The following PEX7 variants were observed in gnomAD, a reference collection of about 807,000 sequenced individuals.
PEX7 encodes PTS2 receptor.
In PEX7, 34 loss-of-function variants were observed where a neutral mutation model predicts 47.5. The ratio of observed to expected loss-of-function variants is 0.72; its 90% CI spans 0.54 to 0.95. The LOEUF is 0.95. PEX7 is among the 40% of genes least tolerant of loss of function. PEX7 has a pLI of 0.00. For missense variants in PEX7, 394 were observed against 400.3 expected, an observed-to-expected ratio of 0.98 and a Z score of 0.13; for synonymous variants, 141 against 148.8, an observed-to-expected ratio of 0.95 and a Z score of 0.38.
intron 3 of PEX7, among the ~76,000 whole-genome samples, chr6:136,829,437 C>T (rs1774253877): frequency 6.6e-6 from 1 of 152,106 alleles, no homozygotes; most frequent in African/African-American, 2.4e-5. Context: ...GCACTAATCC[C>T]ATTCATGAGG....
chr6:136,824,113 T>C (rs1310352111), intron 1 of PEX7, among the ~76,000 whole-genome samples: 1 of 152,256 alleles, frequency 6.6e-6, no homozygotes, highest in East Asian at 1.9e-4. Flanking sequence ...CATTATTAGC[T>C]CTTAGTGCTT....
At position 136,822,720 on chromosome 6, in the gene PEX7, G is replaced by A; in HGVS notation, c.55G>A (p.Gly19Ser). ...GATGCTGCGGACGCCGGGACGCCAC[G>A]GCTACGCCGCCGAGTTCTCCCCGTA... ...ARMLRTPGRH[G>S]YAAEFSPYLP... Residue 19 changes from glycine (G) to serine (S), a missense_variant, in exon 1 of 10, where the codon GGC becomes AGC. Coordinates refer to ENST00000318471, the MANE Select transcript of PEX7 (RefSeq NM_000288.4). 6.6e-7 allele frequency: 1 copy of A among 1,514,946 alleles called. No homozygotes were observed. Among genetic ancestry groups the A allele is most frequent in the South Asian group, 1.2e-5 (1 of 82,444 alleles). 93.8% of individuals were successfully genotyped at this position (1,514,946 alleles called of 1,614,324 possible).
intron 8 of PEX7, among the ~76,000 whole-genome samples, chr6:136,893,535 T>A (rs577393081): frequency 6.6e-6 from 1 of 152,344 alleles, no homozygotes; most frequent in Non-Finnish European, 1.5e-5. Flanking sequence ...CCCACTGAAC[T>A]ATGAGCCGCA....
Position 136,822,734 on chromosome 6 carries a change from G to C in PEX7, c.69G>C (p.Glu23Asp), listed in dbSNP as rs1267307406. Residue 23 changes from glutamate to aspartate, a missense_variant, in exon 1 of 10, where the codon GAG becomes GAC. Transcript: ENST00000318471. ...RTPGRHGYAAEFSPYLPGRLA... is the reference protein window; with the variant it reads ...RTPGRHGYAADFSPYLPGRLA... ...CGGGACGCCACGGCTACGCCGCCGA[G>C]TTCTCCCCGTACCTGCCGGGCCGCC... 1 of 1,511,534 alleles carries C rather than the reference G, an allele frequency of 6.6e-7. No homozygotes were observed. Among genetic ancestry groups the C allele is most frequent in the South Asian group, 1.2e-5 (1 of 82,128 alleles). The allele number at this position is 1,511,534 out of a possible 1,614,324, so 93.6% of individuals were successfully genotyped here. A position where few individuals can be genotyped will look rare whatever the true frequency, so the allele number is the denominator to read the frequency against.
intron 9 of PEX7, among the ~76,000 whole-genome samples, chr6:136,909,076 A>G (rs1232752360): frequency 2.0e-5 from 3 of 152,160 alleles, no homozygotes; most frequent in Admixed American, 6.5e-5. Flanking sequence ...TCTCTCCATT[A>G]CAATCAAGAT....
At chr6:136,898,617 A>G (rs1242246314) in intron 9 of PEX7, among the ~76,000 whole-genome samples, 3 of 152,204 alleles carry the variant, frequency 2.0e-5, no homozygotes, top group African/African-American at 4.8e-5. Flanking sequence ...AGTTGAGACC[A>G]TGGGCAGGCA....
At chr6:136,886,719 C>T (rs1240016046) in intron 8 of PEX7, among the ~76,000 whole-genome samples, 1 of 150,844 alleles carries the variant, frequency 6.6e-6, no homozygotes, top group African/African-American at 2.4e-5. Context: ...ACAGTGGTCA[C>T]CATACAAAGT....
At chr6:136,830,066 T>G (rs1396828965) in intron 3 of PEX7, 3 of 715,030 alleles carry the variant, frequency 4.2e-6, no homozygotes, top group Non-Finnish European at 7.8e-6. Context: ...TTTTCTTCTG[T>G]GGAAGAGAGT....
chr6:136,879,927 A>T (rs1336859802), intron 8 of PEX7, among the ~76,000 whole-genome samples: 5 of 151,594 alleles, frequency 3.3e-5, no homozygotes, highest in Non-Finnish European at 5.9e-5. Flanking sequence ...TTATTTGTGA[A>T]ATGATTTTGC....
At chr6:136,903,796 A>G (rs897943165) in intron 9 of PEX7, among the ~76,000 whole-genome samples, 3 of 145,338 alleles carry the variant, frequency 2.1e-5, no homozygotes, top group Non-Finnish European at 3.0e-5. Flanking sequence ...CTCCCACCCT[A>G]CCCTACTGAA....
chr6:136,853,474 C>CT (rs11375891), intron 5 of PEX7, among the ~76,000 whole-genome samples: 96,552 of 152,002 alleles, frequency 0.64, 30,772 homozygotes, highest in African/African-American at 0.68. Context: ...TCCTTTCTTG[C>CT]TAATAAACTA....
intron 5 of PEX7, chr6:136,855,746 C>T (rs6570107): frequency 0.37 from 135,594 of 370,572 alleles, 27,563 homozygotes; most frequent in Non-Finnish European, 0.4. Context: ...ACCCAGTTTG[C>T]CTGAGTTTTA....
In PEX7 at chr6:136,854,017, T is replaced by C. The variant is rs187510479; in HGVS notation, c.526+7836T>C. Among the ~76,000 whole-genome samples, 915 of 152,276 alleles carry C rather than the reference T, an allele frequency of 6.0e-3. 27 individuals are homozygous for C. The highest frequency in any genetic ancestry group is 0.057 in the Admixed American group (877 of 15,282). On this transcript the variant is annotated intron_variant, in intron 5 of 9. Coordinates refer to ENST00000318471, the MANE Select transcript of PEX7 (RefSeq NM_000288.4). ...GGACCAGTAATATATTTTTTCTTCT[T>C]ATGTTGCCTTTCCCAAGCCTGCATC...
At position 136,904,632 on chromosome 6, in the gene PEX7, C is replaced by CTT. The variant is rs772446747; in HGVS notation, c.903+6408_903+6409dup. On this transcript the variant is annotated intron_variant, in intron 9 of 9. Transcript: ENST00000318471. The stretch of plus-strand genomic sequence containing the variant: ...ATAAGGGGGAGTTTCCCTGCACAAG[C>CTT]TTTTTTTTTTTTTTTTTTACTGCTG... Among the ~76,000 whole-genome samples, 17 of 129,584 alleles carry CTT rather than the reference C, an allele frequency of 1.3e-4. No individual in the cohort carries two copies. In the East Asian group the frequency reaches 2.2e-3, roughly 17 times the overall value. 85.0% of individuals were successfully genotyped at this position (129,584 alleles called of 152,430 possible). A position where few individuals can be genotyped will look rare whatever the true frequency, so the allele number is the denominator to read the frequency against.
chr6:136,898,086 A>G (rs1562756747), intron 8 of PEX7, 56 bp from the exon 9 acceptor site: 4 of 1,028,078 alleles, frequency 3.9e-6, no homozygotes, highest in East Asian at 2.4e-5. Context: ...TTTTCTTAAT[A>G]TAAGTTTTTT....
At position 136,865,871 on chromosome 6, in the gene PEX7, T is replaced by C. The variant is rs374455059; in HGVS notation, c.527-756T>C. Among the ~76,000 whole-genome samples the C allele has an allele frequency of 6.1e-4, 92 of 151,540 alleles. 2 individuals are homozygous for C. The highest frequency in any genetic ancestry group is 2.2e-3 in the African/African-American group (91 of 41,276). On this transcript the variant is annotated intron_variant, in intron 5 of 9. Transcript: ENST00000318471. ...AGGCTGAGGCGGGTGGATCACGAGG[T>C]CAGGCAATCGAGATCATCCTGGCCA...
chr6:136,879,127 C>G (rs574881867), intron 8 of PEX7, among the ~76,000 whole-genome samples: 57 of 151,998 alleles, frequency 3.8e-4, no homozygotes, highest in Non-Finnish European at 7.5e-4. Flanking sequence ...TTAGAACATG[C>G]AACATGTAAC....
intron 2 of PEX7, among the ~76,000 whole-genome samples, chr6:136,825,519 G>A (rs1327687130): frequency 1.3e-5 from 2 of 151,916 alleles, no homozygotes; most frequent in African/African-American, 4.8e-5. Context: ...AACATAGGAG[G>A]ACCCCGTCTC....
In PEX7 at chr6:136,898,248, G is replaced by T. The variant is rs1227993935; in HGVS notation, c.903+7G>T. ...TCTTCAGAGCCCCACTCAGGTAACG[G>T]ATACAATCTCATGATATTCTCTTCT... On this transcript the variant is annotated splice_region_variant and intron_variant, in intron 9 of 9. Transcript: ENST00000318471. 4 of 1,498,340 alleles carry T rather than the reference G, an allele frequency of 2.7e-6. No homozygotes were observed. The highest frequency in any genetic ancestry group is 3.7e-6 in the Non-Finnish European group (4 of 1,074,742). The allele number at this position is 1,498,340 out of a possible 1,614,324, so 92.8% of individuals were successfully genotyped here.
Sources: allele counts gnomAD v4.1 joint callset (sites outside exome capture counted in the v4.1 genomes callset), GRCh38; gene constraint gnomAD v4.1.1; transcripts MANE v1.5; gene names NCBI Gene and HGNC (gene_info 2026-07-23, HGNC 2026-07-21).